The following DNAAF11 variants were observed in gnomAD, a reference collection of about 807,000 sequenced individuals.
DNAAF11 encodes the protein dynein axonemal assembly factor 11, also known as leucine rich repeat containing 6.
Under a neutral mutation model 60.8 loss-of-function variants are expected in DNAAF11, and 45 were observed. The ratio of observed to expected loss-of-function variants is 0.74; its 90% CI spans 0.58 to 0.95. DNAAF11 has a LOEUF of 0.95. Among genes scored for constraint, DNAAF11 ranks in the 40% least tolerant of loss-of-function variants. The pLI is 0.00. For missense variants in DNAAF11, 546 were observed against 546.2 expected (o/e 1.00, Z 0.00); for synonymous variants, 191 against 183.5 (o/e 1.04, Z -0.33).
chr8:132,640,644 A>G (rs1821761683), intron 3 of DNAAF11, among the ~76,000 whole-genome samples: 1 of 152,198 alleles, frequency 6.6e-6, no homozygotes. Flanking sequence ...TCATGTCATT[A>G]ACCAAGCCCC....
At chr8:132,643,847 G>A (rs535618686) in intron 3 of DNAAF11, among the ~76,000 whole-genome samples, 4 of 152,232 alleles carry the variant, frequency 2.6e-5, no homozygotes, top group African/African-American at 9.6e-5. Context: ...GGTCTGAGGG[G>A]ATTGACAAGG....
chr8:132,677,306 A>G (rs1184244017), upstream of DNAAF11, among the ~76,000 whole-genome samples: 1 of 152,220 alleles, frequency 6.6e-6, no homozygotes, highest in Admixed American at 6.5e-5. Flanking sequence ...CAGAAAGATT[A>G]GTTTCTAAGC....
At chr8:132,579,392 A>G (rs1422229806) in intron 11 of DNAAF11, among the ~76,000 whole-genome samples, 4 of 152,080 alleles carry the variant, frequency 2.6e-5, no homozygotes, top group Non-Finnish European at 5.9e-5. Context: ...TGGGAAGGAG[A>G]TGGCATCTCT....
At chr8:132,578,643 G>T (rs1815012830) in intron 11 of DNAAF11, 2 of 601,372 alleles carry the variant, frequency 3.3e-6, no homozygotes, top group Admixed American at 3.5e-5. Context: ...CATAAAGAAA[G>T]AACTTTTTTC....
chr8:132,648,809 T>C (rs1232112424), intron 3 of DNAAF11, among the ~76,000 whole-genome samples: 3 of 152,140 alleles, frequency 2.0e-5, no homozygotes, highest in Non-Finnish European at 4.4e-5. Context: ...ACAAGGGATG[T>C]GAAGGACCTC....
At chr8:132,653,329 T>A (rs1823216685) in intron 3 of DNAAF11, among the ~76,000 whole-genome samples, 1 of 152,168 alleles carries the variant, frequency 6.6e-6, no homozygotes, top group African/African-American at 2.4e-5. Context: ...AATTAAGATT[T>A]TTTAGATAGA....
At chr8:132,611,273 A>C (rs752059522) in intron 9 of DNAAF11, 21 bp downstream of exon 9, 1 of 1,562,846 alleles carries the variant, frequency 6.4e-7, no homozygotes, top group South Asian at 1.1e-5. Flanking sequence ...AAATTGTAAT[A>C]GCCTACAGGG....
intron 5 of DNAAF11, among the ~76,000 whole-genome samples, chr8:132,629,691 C>T (rs1336293023): frequency 1.3e-5 from 2 of 152,044 alleles, no homozygotes; most frequent in African/African-American, 2.4e-5. Context: ...ATACTGGAGG[C>T]CTTTGCAGGC....
At chr8:132,642,655 C>A (rs1230983703) in intron 3 of DNAAF11, among the ~76,000 whole-genome samples, 4 of 152,254 alleles carry the variant, frequency 2.6e-5, no homozygotes. Context: ...AAATCTGCTT[C>A]TGTGGAAAGA....
At chr8:132,676,444 G>C (rs1190032390), upstream of DNAAF11, among the ~76,000 whole-genome samples, 4 of 152,136 alleles carry the variant, frequency 2.6e-5, no homozygotes, top group African/African-American at 9.7e-5. Flanking sequence ...AAAAAGGAGG[G>C]GGGCAATATG....
In DNAAF11 at chr8:132,663,463, C is replaced by T. The variant is rs561901376; in HGVS notation, c.11-1836G>A. On this transcript the variant is annotated intron_variant, in intron 1 of 11. Transcript: ENST00000620350. ...GATCTGTAATTTACCTATAAGAATT[C>T]TCTTAGCAAGGATGCAACATGGGTC... Among the ~76,000 whole-genome samples the T allele has an allele frequency of 2.5e-4, 38 of 152,300 alleles. No individual in the cohort carries two copies. The South Asian group carries it at 7.9e-3, about 32-fold the overall frequency.
intron 6 of DNAAF11, among the ~76,000 whole-genome samples, chr8:132,624,871 T>A (rs1219226997): frequency 3.3e-5 from 5 of 152,170 alleles, no homozygotes; most frequent in African/African-American, 1.2e-4. Flanking sequence ...ATAAAATGTC[T>A]AATGAAACTA....
At chr8:132,649,686 C>A (rs535747247) in intron 3 of DNAAF11, among the ~76,000 whole-genome samples, 2 of 152,270 alleles carry the variant, frequency 1.3e-5, no homozygotes, top group East Asian at 1.9e-4. Flanking sequence ...AATCAAATAA[C>A]CCCATCAACA....
chr8:132,678,203 C>T (rs1563731958), upstream of DNAAF11, among the ~76,000 whole-genome samples: 1 of 152,176 alleles, frequency 6.6e-6, no homozygotes, highest in Non-Finnish European at 1.5e-5. Flanking sequence ...GTTCCAGTCC[C>T]CCATCCCCTT....
At chr8:132,698,966 AC>A in the DNAAF11 span, among the ~76,000 whole-genome samples, 380 of 106,142 alleles carry the variant, frequency 3.6e-3, 3 homozygotes, top group East Asian at 6.7e-3. Flanking sequence ...ACACACACAC[AC>A]ACACAAAAAA....
At chr8:132,581,155 G>A (rs942762777) in intron 11 of DNAAF11, among the ~76,000 whole-genome samples, 2 of 152,106 alleles carry the variant, frequency 1.3e-5, no homozygotes, top group Admixed American at 6.5e-5. Flanking sequence ...TGGATTAGAC[G>A]TTTCCTCAAA....
intron 10 of DNAAF11, among the ~76,000 whole-genome samples, chr8:132,604,667 G>C (rs950475250): frequency 6.6e-6 from 1 of 152,108 alleles, no homozygotes; most frequent in Non-Finnish European, 1.5e-5. Context: ...ATGATGAAAA[G>C]ATTATGTACA....
intron 5 of DNAAF11, among the ~76,000 whole-genome samples, chr8:132,628,073 C>T (rs1415330167): frequency 6.6e-6 from 1 of 152,138 alleles, no homozygotes; most frequent in Non-Finnish European, 1.5e-5. Flanking sequence ...CTCTTCAAGA[C>T]AGCTCAAACC....
At chr8:132,594,538 T>C (rs1816791435) in intron 10 of DNAAF11, among the ~76,000 whole-genome samples, 1 of 152,176 alleles carries the variant, frequency 6.6e-6, no homozygotes, top group Non-Finnish European at 1.5e-5. Context: ...TCATCTGGAA[T>C]TGTAATCACC....
Sources: allele counts gnomAD v4.1 joint callset (sites outside exome capture counted in the v4.1 genomes callset), GRCh38; gene constraint gnomAD v4.1.1; transcripts MANE v1.5; gene names NCBI Gene and HGNC (gene_info 2026-07-23, HGNC 2026-07-21).